Variants in PIK3CG observed in about 807,000 individuals in gnomAD.
PIK3CG encodes phosphatidylinositol-4,5-bisphosphate 3-kinase catalytic subunit gamma, also known as phosphatidylinositol 4,5-bisphosphate 3-kinase catalytic subunit gamma isoform.
A neutral mutation model predicts 102.3 loss-of-function variants in PIK3CG; 55 were observed. The ratio of observed to expected loss-of-function variants is 0.54; its 90% confidence interval spans 0.43 to 0.67. The LOEUF is 0.67. PIK3CG is among the 30% of genes least tolerant of loss of function. The pLI, the probability that PIK3CG is intolerant of heterozygous loss-of-function variation, is 0.00. For synonymous variants in PIK3CG, 552 were observed against 540.0 expected, an observed-to-expected ratio of 1.02 and a Z score of -0.31; for missense variants, 1,258 against 1,391.8, an observed-to-expected ratio of 0.90 and a Z score of 1.53.
rs1336089169 is a variant in PIK3CG, at chr7:106,908,065, G to A, written c.*2678G>A. The stretch of plus-strand genomic sequence containing the variant: ...ACCCACAGCTCTATCTTCAATGCCA[G>A]GTGAAAACACAGATCACAAGTCAGA... On this transcript the variant is annotated 3_prime_UTR_variant, in exon 11 of 11. Coordinates refer to ENST00000496166, the MANE Select transcript of PIK3CG (RefSeq NM_001282426.2). The surrounding 1 kb of genome is among the most constrained non-coding windows in gnomAD (Gnocchi z 4.1). Among the ~76,000 whole-genome samples the A allele has an allele frequency of 6.6e-6, 1 of 152,064 alleles. No individual in the cohort carries two copies. Among genetic ancestry groups the A allele is most frequent in the Non-Finnish European group, 1.5e-5 (1 of 68,018 alleles).
rs910211654 is a variant in PIK3CG, at chr7:106,899,450, G to T, written c.3031-5659G>T. 2.6e-5 allele frequency among the ~76,000 whole-genome samples: 4 copies of T among 152,122 alleles called. No individual in the cohort carries two copies. The highest frequency in any genetic ancestry group is 2.6e-4 in the Admixed American group (4 of 15,268). On this transcript the variant is annotated intron_variant, in intron 10 of 10. Transcript: ENST00000496166. The surrounding 1 kb of genome is among the most constrained non-coding windows in gnomAD (Gnocchi z 4.6). ...TTCCTTGTCTTGTGCCAGTTTTCAA[G>T]GGGAATGCTTCCAGCTTTTGCCCAT...
In PIK3CG at chr7:106,884,407, C is replaced by T; in HGVS notation, c.2872+141C>T. 3 of 624,860 alleles carry T rather than the reference C, an allele frequency of 4.8e-6. No homozygotes were observed. In the South Asian group the frequency reaches 6.2e-5, roughly 13 times the overall value. The allele number at this position is 624,860 out of a possible 1,614,324, so 38.7% of individuals were successfully genotyped here. A position where few individuals can be genotyped will look rare whatever the true frequency, so the allele number is the denominator to read the frequency against. The stretch of plus-strand genomic sequence containing the variant: ...TCACCTTGTTGTACAACCATCATCA[C>T]CATTCATCCCCAGAATTTTTCCATC... On this transcript the variant is annotated intron_variant, in intron 9 of 10. Coordinates refer to ENST00000496166, the MANE Select transcript of PIK3CG (RefSeq NM_001282426.2). This position sits in a 1 kb window ranked among gnomAD's most constrained non-coding sequence, Gnocchi z 4.2.
Position 106,872,196 on chromosome 7 carries a change from T to C in PIK3CG, c.1996-341T>C, listed in dbSNP as rs1274329051. Among the ~76,000 whole-genome samples the C allele has an allele frequency of 6.6e-6, 1 of 152,208 alleles. No homozygotes were observed. The highest frequency in any genetic ancestry group is 1.5e-5 in the Non-Finnish European group (1 of 68,038). Reference sequence around the variant, plus strand: ...ATAGATTGGTTACAGTGTCTCCATCTTCCCCCTCTACCCCTCCAACAAAAC... The same window carrying C: ...ATAGATTGGTTACAGTGTCTCCATCCTCCCCCTCTACCCCTCCAACAAAAC... On this transcript the variant is annotated intron_variant, in intron 2 of 10. Coordinates refer to ENST00000496166, the MANE Select transcript of PIK3CG (RefSeq NM_001282426.2). This position sits in a 1 kb window ranked among gnomAD's most constrained non-coding sequence, Gnocchi z 5.3.
intron 10 of PIK3CG, among the ~76,000 whole-genome samples, chr7:106,898,170 T>C (rs1056835276): frequency 1.3e-5 from 2 of 152,240 alleles, no homozygotes; most frequent in African/African-American, 4.8e-5. Flanking sequence ...ATTGGCTGCA[T>C]GTATGTCTTC....
Position 106,869,075 on chromosome 7 carries a change from C to T in PIK3CG, c.1514C>T (p.Ala505Val), listed in dbSNP as rs1317978480. The change falls in exon 2 of 11, where the codon GCA becomes GTA. Residue 505 changes from alanine to valine, a missense_variant. By Grantham distance (64) the Ala-to-Val change is moderately conservative. Transcript: ENST00000496166. This position sits in a 1 kb window ranked among gnomAD's most constrained non-coding sequence, Gnocchi z 5.3. ...GSFNADKLTS[A>V]TNPDKENSMS... Reference sequence around the variant, plus strand: ...TTCAATGCTGACAAACTCACGTCTGCAACTAACCCAGACAAGGAGAACTCA... The same window carrying T: ...TTCAATGCTGACAAACTCACGTCTGTAACTAACCCAGACAAGGAGAACTCA... 1.4e-5 allele frequency: 22 copies of T among 1,614,184 alleles called. No individual in the cohort carries two copies. The highest frequency in any genetic ancestry group is 1.9e-5 in the Non-Finnish European group (22 of 1,180,028).
At position 106,897,800 on chromosome 7, in the gene PIK3CG, A is replaced by G. The variant is rs1791446601; in HGVS notation, c.3031-7309A>G. 6.6e-6 allele frequency among the ~76,000 whole-genome samples: 1 copy of G among 152,030 alleles called. No homozygotes were observed. Among genetic ancestry groups the G allele is most frequent in the Non-Finnish European group, 1.5e-5 (1 of 67,998 alleles). On this transcript the variant is annotated intron_variant, in intron 10 of 10. Coordinates refer to ENST00000496166, the MANE Select transcript of PIK3CG (RefSeq NM_001282426.2). The surrounding 1 kb of genome is among the most constrained non-coding windows in gnomAD (Gnocchi z 4.6). ...CTATCATTGATGGGCGTTTAGGTTG[A>G]TTCTGTGTCTTTGCTATTGTGAATA...
In PIK3CG at chr7:106,906,831, C is replaced by CTTTTTTTTTT. The variant is rs571080689; in HGVS notation, c.*1452_*1461dup. The CTTTTTTTTTT allele has an allele frequency of 5.7e-6, 1 of 175,312 alleles. No individual in the cohort carries two copies. Among genetic ancestry groups the CTTTTTTTTTT allele is most frequent in the Non-Finnish European group, 1.1e-5 (1 of 90,920 alleles). The allele number at this position is 175,312 out of a possible 1,614,324, so 10.9% of individuals were successfully genotyped here. On this transcript the variant is annotated 3_prime_UTR_variant, in exon 11 of 11. Coordinates refer to ENST00000496166, the MANE Select transcript of PIK3CG (RefSeq NM_001282426.2). ...GACTTTGAGGTAGTCCAGACCTTTT[C>CTTTTTTTTTT]TTTTTTTTTTTTTTTTTAATGTGTG...
At chr7:106,881,722 C>T (rs574151444) in intron 6 of PIK3CG, among the ~76,000 whole-genome samples, 7 of 152,110 alleles carry the variant, frequency 4.6e-5, no homozygotes, top group East Asian at 3.9e-4. Context: ...TCATGATGCG[C>T]GCCTCTAATC....
In PIK3CG at chr7:106,891,850, A is replaced by AG. The variant is rs1397285000; in HGVS notation, c.3030+5559dup. ...GTTTTATCAGGCCCACCCTGTTTCC[A>AG]GTTCCGCAGTCTTATCCCCATGCCA... On this transcript the variant is annotated intron_variant, in intron 10 of 10. Transcript: ENST00000496166. The surrounding 1 kb of genome is among the most constrained non-coding windows in gnomAD (Gnocchi z 4.4). Among the ~76,000 whole-genome samples the AG allele has an allele frequency of 2.0e-5, 3 of 151,882 alleles. No homozygotes were observed. The highest frequency in any genetic ancestry group is 7.3e-5 in the African/African-American group (3 of 41,322).
Position 106,884,973 on chromosome 7 carries a change from T to A in PIK3CG, c.2872+707T>A, listed in dbSNP as rs1489603610. Among the ~76,000 whole-genome samples, 2 of 152,036 alleles carry A rather than the reference T, an allele frequency of 1.3e-5. No homozygotes were observed. The highest frequency in any genetic ancestry group is 2.9e-5 in the Non-Finnish European group (2 of 68,004). On this transcript the variant is annotated intron_variant, in intron 9 of 10. Coordinates refer to ENST00000496166, the MANE Select transcript of PIK3CG (RefSeq NM_001282426.2). The surrounding 1 kb of genome is among the most constrained non-coding windows in gnomAD (Gnocchi z 4.2). ...TTCTCGTGCACAGTTCACAATAGGG[T>A]TTGTGTTCCTATGAGAATCTAATGC...
Position 106,890,910 on chromosome 7 carries a change from G to T in PIK3CG, c.3030+4618G>T, listed in dbSNP as rs537446024. Among the ~76,000 whole-genome samples the T allele has an allele frequency of 6.6e-6, 1 of 152,226 alleles. No homozygotes were observed. The highest frequency in any genetic ancestry group is 2.4e-5 in the African/African-American group (1 of 41,462). On this transcript the variant is annotated intron_variant, in intron 10 of 10. Transcript: ENST00000496166. This position sits in a 1 kb window ranked among gnomAD's most constrained non-coding sequence, Gnocchi z 4.2. ...CTTTCTTCCCAGAATGCTCTGTGCT[G>T]CCCTGTGGTCTCAGCATAAATGTCA...
intron 5 of PIK3CG, among the ~76,000 whole-genome samples, chr7:106,875,743 G>T (rs988654010): frequency 1.4e-4 from 21 of 152,100 alleles, no homozygotes; most frequent in African/African-American, 4.8e-4. Flanking sequence ...CATTTTTTGA[G>T]TAAATGTTTA....
Position 106,905,328 on chromosome 7 carries a change from T to C in PIK3CG, c.3250T>C (p.Phe1084Leu). ...CAGAGACAAAGGATGGACTGTGCAG[T>C]TTAATTGGTTTCTACATCTTGTTCT... Reference protein sequence around the residue: ...VCRDKGWTVQFNWFLHLVLGI... With the variant: ...VCRDKGWTVQLNWFLHLVLGI... Residue 1084 changes from phenylalanine (F) to leucine (L), a missense_variant, in exon 11 of 11, where the codon TTT becomes CTT. Phe to Leu is a conservative substitution (Grantham distance 22). Coordinates refer to ENST00000496166, the MANE Select transcript of PIK3CG (RefSeq NM_001282426.2). This position sits in a 1 kb window ranked among gnomAD's most constrained non-coding sequence, Gnocchi z 5.6. The C allele has an allele frequency of 1.9e-6, 3 of 1,614,060 alleles. No homozygotes were observed. Among genetic ancestry groups the C allele is most frequent in the Non-Finnish European group, 1.7e-6 (2 of 1,179,924 alleles).
chr7:106,871,307 A>G (rs1790523227), intron 2 of PIK3CG, among the ~76,000 whole-genome samples: 1 of 152,258 alleles, frequency 6.6e-6, no homozygotes, highest in Admixed American at 6.5e-5. Flanking sequence ...GAAAATGAGT[A>G]CTGGTGGCTA....
At position 106,868,483 on chromosome 7, in the gene PIK3CG, G is replaced by A. The variant is rs1196800615; in HGVS notation, c.922G>A (p.Asp308Asn). Residue 308 changes from aspartate (D) to asparagine (N), a missense_variant, in exon 2 of 11, where the codon GAC becomes AAC. Coordinates refer to ENST00000496166, the MANE Select transcript of PIK3CG (RefSeq NM_001282426.2). The surrounding 1 kb of genome is among the most constrained non-coding windows in gnomAD (Gnocchi z 6.2). ...KNGEEIHVVL[D>N]TPPDPALDEV... ...CGGAGAAGAGATTCACGTGGTACTG[G>A]ACACGCCTCCAGACCCGGCCCTAGA... is the stretch of plus-strand genomic sequence containing the variant. 6.2e-7 allele frequency: 1 copy of A among 1,614,072 alleles called. No individual in the cohort carries two copies. Among genetic ancestry groups the A allele is most frequent in the East Asian group, 2.2e-5 (1 of 44,880 alleles).
chr7:106,879,720 C>T lies in PIK3CG; in HGVS notation c.2538+55C>T. 1 of 1,325,474 alleles carries T rather than the reference C, an allele frequency of 7.5e-7. No individual in the cohort carries two copies. Among genetic ancestry groups the T allele is most frequent in the African/African-American group, 1.5e-5 (1 of 68,658 alleles). The allele number at this position is 1,325,474 out of a possible 1,614,324, so 82.1% of individuals were successfully genotyped here. ...ATCTGAAAACAATTCTATATTACAT[C>T]AAAAACATGCTTTCTCCTACTGGCT... On this transcript the variant is annotated intron_variant, in intron 6 of 10. Coordinates refer to ENST00000496166, the MANE Select transcript of PIK3CG (RefSeq NM_001282426.2). This position sits in a 1 kb window ranked among gnomAD's most constrained non-coding sequence, Gnocchi z 4.9.
chr7:106,892,142 G>A lies in PIK3CG; in HGVS notation c.3030+5850G>A, dbSNP rs537458421. ...GCTGGAGACTTGAGTATTCTCCCAA[G>A]CCCAGCCACAGGGACCACAGAGACC... On this transcript the variant is annotated intron_variant, in intron 10 of 10. Coordinates refer to ENST00000496166, the MANE Select transcript of PIK3CG (RefSeq NM_001282426.2). The surrounding 1 kb of genome is among the most constrained non-coding windows in gnomAD (Gnocchi z 5.2). Among the ~76,000 whole-genome samples, 3 of 151,814 alleles carry A rather than the reference G, an allele frequency of 2.0e-5. No homozygotes were observed. Among genetic ancestry groups the A allele is most frequent in the East Asian group, 1.9e-4 (1 of 5,152 alleles).
Position 106,906,526 on chromosome 7 carries a change from C to A in PIK3CG, c.*1139C>A, listed in dbSNP as rs1364590979. 4.4e-6 allele frequency: 1 copy of A among 229,152 alleles called. No homozygotes were observed. Among genetic ancestry groups the A allele is most frequent in the African/African-American group, 2.2e-5 (1 of 45,108 alleles). 14.2% of individuals were successfully genotyped at this position (229,152 alleles called of 1,614,324 possible). A position where few individuals can be genotyped will look rare whatever the true frequency, so the allele number is the denominator to read the frequency against. On this transcript the variant is annotated 3_prime_UTR_variant, in exon 11 of 11. Coordinates refer to ENST00000496166, the MANE Select transcript of PIK3CG (RefSeq NM_001282426.2). ...GAACACTACTTGCCTTATCCATTTC[C>A]CATTTAAAGGACTTTTAAACTTTGA... is the stretch of plus-strand genomic sequence containing the variant.
chr7:106,908,386 C>T lies in PIK3CG; in HGVS notation c.*2999C>T, dbSNP rs1192537937. On this transcript the variant is annotated 3_prime_UTR_variant, in exon 11 of 11. Transcript: ENST00000496166. This position sits in a 1 kb window ranked among gnomAD's most constrained non-coding sequence, Gnocchi z 4.1. ...AATGTAGTGCCTGGGTCAAAATGTTCCTTCTGTTCAAATCGAAATACCTCA... is the reference window on the plus strand; with the variant it reads ...AATGTAGTGCCTGGGTCAAAATGTTTCTTCTGTTCAAATCGAAATACCTCA... Among the ~76,000 whole-genome samples, 1 of 152,162 alleles carries T rather than the reference C, an allele frequency of 6.6e-6. No individual in the cohort carries two copies. The highest frequency in any genetic ancestry group is 1.9e-4 in the East Asian group (1 of 5,194).
Sources: allele counts gnomAD v4.1 joint callset (sites outside exome capture counted in the v4.1 genomes callset), GRCh38; gene constraint gnomAD v4.1.1; non-coding constraint Gnocchi (gnomAD v3.1); transcripts MANE v1.5; gene names NCBI Gene and HGNC (gene_info 2026-07-23, HGNC 2026-07-21).